Variants in TTC19 observed in about 807,000 individuals in gnomAD.
TTC19 encodes tetratricopeptide repeat protein 19, mitochondrial.
TTC19 carries 38 observed loss-of-function variants against 49.5 expected under a neutral mutation model. The observed-to-expected ratio is 0.77, with a 90% CI of 0.59 to 1.01. TTC19 has a LOEUF of 1.01. TTC19 is among the 50% of genes least tolerant of loss of function. The pLI, the probability that TTC19 is intolerant of heterozygous loss-of-function variation, is 0.00. For missense variants in TTC19, 475 were observed against 477.7 expected (o/e 0.99, Z 0.05); for synonymous variants, 204 against 185.2 (o/e 1.10, Z -0.83).
intron 2 of TTC19, among the ~76,000 whole-genome samples, chr17:16,035,484 C>T (rs1489494772): frequency 6.6e-6 from 1 of 151,496 alleles, no homozygotes; most frequent in African/African-American, 2.4e-5. Context: ...CATGAGATTG[C>T]AGCAATTCAG....
intron 7 of TTC19, among the ~76,000 whole-genome samples, chr17:16,011,217 G>A (rs1971059403): frequency 6.6e-6 from 1 of 152,184 alleles, no homozygotes; most frequent in African/African-American, 2.4e-5. Context: ...GTCTCACTCT[G>A]TCACCCAGGC....
intron 7 of TTC19, among the ~76,000 whole-genome samples, chr17:16,007,675 C>T (rs1380729256): frequency 1.3e-5 from 2 of 152,194 alleles, no homozygotes; most frequent in Non-Finnish European, 2.9e-5. Context: ...CCGTATACAA[C>T]TTGGGTACAC....
chr17:16,000,834 C>A lies in TTC19; in HGVS notation c.312+589C>A, dbSNP rs965308541. 2.0e-5 allele frequency among the ~76,000 whole-genome samples: 3 copies of A among 152,176 alleles called. 1 individual carries two copies. The highest frequency in any genetic ancestry group is 7.2e-5 in the African/African-American group (3 of 41,442). On this transcript the variant is annotated intron_variant, in intron 2 of 9. Coordinates refer to ENST00000261647, the MANE Select transcript of TTC19 (RefSeq NM_017775.4). ...CCTCTCAGATTTAACATGCCCAAAA[C>A]TAAACGATCTTTAATGCCTCCTCAA...
chr17:16,015,100 G>T (rs574651653), intron 7 of TTC19, among the ~76,000 whole-genome samples: 1 of 152,230 alleles, frequency 6.6e-6, no homozygotes, highest in South Asian at 2.1e-4. Flanking sequence ...GTTATCGCAG[G>T]ATTGTTATTA....
intron 8 of TTC19, among the ~76,000 whole-genome samples, chr17:16,026,280 T>C (rs1014186970): frequency 2.0e-5 from 3 of 152,312 alleles, no homozygotes; most frequent in Admixed American, 6.5e-5. Context: ...ACTGGGTAAT[T>C]AGTTGGATTA....
chr17:16,006,433 G>T, intron 6 of TTC19, 41 bp from the exon 7 acceptor site: 3 of 1,385,926 alleles, frequency 2.2e-6, no homozygotes, highest in Non-Finnish European at 3.1e-6. Context: ...AAAAAAAAAA[G>T]AAGAAAAGGT....
intron 2 of TTC19, among the ~76,000 whole-genome samples, chr17:16,038,570 T>C (rs538417231): frequency 1.3e-3 from 197 of 151,922 alleles, no homozygotes; most frequent in Middle Eastern, 3.4e-3. Flanking sequence ...CACAAGTAAC[T>C]GGGACTACAG....
At chr17:16,006,361 G>A in intron 6 of TTC19, 113 bp from the exon 7 acceptor site, 1 of 793,988 alleles carries the variant, frequency 1.3e-6, no homozygotes. Context: ...TCTGAGCCGA[G>A]GTCACGCCAT....
chr17:16,008,706 T>C (rs1341867446), intron 7 of TTC19, among the ~76,000 whole-genome samples: 1 of 152,142 alleles, frequency 6.6e-6, no homozygotes, highest in African/African-American at 2.4e-5. Flanking sequence ...CCAAGCTTAG[T>C]GCCACCTCAA....
At chr17:16,033,667 T>G (rs942830177), downstream of TTC19, among the ~76,000 whole-genome samples, 1 of 152,228 alleles carries the variant, frequency 6.6e-6, no homozygotes, top group African/African-American at 2.4e-5. Context: ...AAAAGTCTGT[T>G]GCTTTTTAAA....
chr17:16,008,315 G>T (rs941252035), intron 7 of TTC19, among the ~76,000 whole-genome samples: 1 of 152,034 alleles, frequency 6.6e-6, no homozygotes, highest in Non-Finnish European at 1.5e-5. Flanking sequence ...CAGTTTTGCC[G>T]CTCACAACTT....
At chr17:16,032,186 G>T (rs1972135621), downstream of TTC19, 2 of 1,096,346 alleles carry the variant, frequency 1.8e-6, no homozygotes, top group African/African-American at 1.7e-5. Flanking sequence ...CTCCTGAAAA[G>T]TCTCAGGGAA....
chr17:16,043,244 G>A (rs2058068283), intron 2 of TTC19, among the ~76,000 whole-genome samples: 1 of 152,200 alleles, frequency 6.6e-6, no homozygotes, highest in Non-Finnish European at 1.5e-5. Context: ...TGGGAACACT[G>A]GATTCAGATA....
Position 16,034,758 on chromosome 17 carries a change from T to C in TTC19, c.247+8056T>C, listed in dbSNP as rs754471658. The C allele has an allele frequency of 3.1e-6, 5 of 1,608,384 alleles. No homozygotes were observed. The South Asian group carries it at 3.3e-5, about 11-fold the overall frequency. The stretch of plus-strand genomic sequence containing the variant: ...TCTCATTTTCTAAGTTAAAGCAGAA[T>C]CCTTACCTGTTGAAGAGGGCCTGTC... On this transcript the variant is annotated intron_variant, in intron 2 of 2. Transcript: ENST00000470649.
intron 3 of TTC19, chr17:16,002,524 C>A (rs1363810189): frequency 4.0e-6 from 2 of 494,152 alleles, no homozygotes. Context: ...CCTCTCAATT[C>A]CAGACCAAAA....
intron 7 of TTC19, among the ~76,000 whole-genome samples, chr17:16,017,745 G>A (rs948293818): frequency 2.6e-5 from 4 of 152,168 alleles, no homozygotes; most frequent in African/African-American, 7.2e-5. Flanking sequence ...TGGTTAAGAA[G>A]AGCGAAACTC....
exon 3 of TTC19, chr17:16,044,554 G>A (rs1224138222): frequency 2.0e-6 from 1 of 506,980 alleles, no homozygotes; most frequent in South Asian, 1.5e-5. Context: ...ACGTTGGGAT[G>A]AGGCCCTCAC....
At chr17:16,009,869 A>G (rs997983314) in intron 7 of TTC19, among the ~76,000 whole-genome samples, 1 of 152,194 alleles carries the variant, frequency 6.6e-6, no homozygotes, top group Non-Finnish European at 1.5e-5. Flanking sequence ...TTTGGTTACA[A>G]AACAGTATAG....
chr17:16,023,912 G>T (rs1220310421), intron 7 of TTC19: 1 of 152,214 alleles, frequency 6.6e-6, no homozygotes, highest in Non-Finnish European at 1.5e-5. Flanking sequence ...AAGGGAACGG[G>T]CTTGATATGA....
Sources: allele counts gnomAD v4.1 joint callset (sites outside exome capture counted in the v4.1 genomes callset), GRCh38; gene constraint gnomAD v4.1.1; transcripts MANE v1.5; gene names NCBI Gene and HGNC (gene_info 2026-07-23, HGNC 2026-07-21).